Variants in PRKG1 observed in about 807,000 individuals in gnomAD.
PRKG1 encodes the protein protein kinase cGMP-dependent 1, also known as cGMP-dependent protein kinase 1.
In PRKG1, 35 loss-of-function variants were observed where a neutral mutation model predicts 88.1. The ratio of observed to expected loss-of-function variants is 0.40; its 90% confidence interval spans 0.30 to 0.53. PRKG1 has a LOEUF of 0.53. Ranked by LOEUF, PRKG1 falls within the 20% of genes least tolerant of loss-of-function variation. The pLI, the probability that PRKG1 is intolerant of heterozygous loss-of-function variation, is 0.59. For missense variants in PRKG1, 540 were observed against 839.8 expected (o/e 0.64, Z 4.41); for synonymous variants, 303 against 292.5 (o/e 1.04, Z -0.37).
intron 3 of PRKG1, among the ~76,000 whole-genome samples, chr10:51,742,567 G>A (rs1203657291): frequency 1.3e-5 from 2 of 152,118 alleles, no homozygotes; most frequent in African/African-American, 4.8e-5. Flanking sequence ...TCAAGTTGCC[G>A]GAACTGGTTG....
intron 5 of PRKG1, among the ~76,000 whole-genome samples, chr10:52,031,429 G>GT (rs1280687046): frequency 3.3e-5 from 5 of 152,020 alleles, no homozygotes; most frequent in Admixed American, 2.0e-4. Context: ...TAATAATGAG[G>GT]TTTTTACTAA....
chr10:52,140,431 T>C (rs1373529387), intron 8 of PRKG1, among the ~76,000 whole-genome samples: 1 of 152,108 alleles, frequency 6.6e-6, no homozygotes, highest in Non-Finnish European at 1.5e-5. Flanking sequence ...TTCACTCTTC[T>C]GTACACATCT....
chr10:51,717,966 T>A (rs1282875838), intron 3 of PRKG1, among the ~76,000 whole-genome samples: 1 of 152,204 alleles, frequency 6.6e-6, no homozygotes, highest in Non-Finnish European at 1.5e-5. Context: ...AAATCATCTT[T>A]CTGTCTCAGG....
At chr10:51,678,810 A>G (rs969599081) in intron 3 of PRKG1, among the ~76,000 whole-genome samples, 10 of 152,206 alleles carry the variant, frequency 6.6e-5, no homozygotes, top group African/African-American at 2.4e-4. Context: ...TGTCTGGTAG[A>G]GTCAAGTCTG....
intron 3 of PRKG1, among the ~76,000 whole-genome samples, chr10:51,802,057 G>C (rs557566311): frequency 6.6e-6 from 1 of 152,122 alleles, no homozygotes; most frequent in African/African-American, 2.4e-5. Flanking sequence ...AAGATCAAAG[G>C]TGAATGAAGA....
chr10:50,991,332 GCC>G lies in PRKG1; in HGVS notation c.-46_-45del. On this transcript the variant is annotated 5_prime_UTR_variant, in exon 1 of 18. Transcript: ENST00000401604. This position sits in a 1 kb window ranked among gnomAD's most constrained non-coding sequence, Gnocchi z 4.5. The stretch of plus-strand genomic sequence containing the variant: ...CCCAGCCGCCGCCGCCGCCGCCGCC[GCC>G]GCCGCCGCCCGAGAAAAAGTTTCGC... The G allele has an allele frequency of 6.7e-7, 1 of 1,495,018 alleles. No individual in the cohort carries two copies. Among genetic ancestry groups the G allele is most frequent in the Non-Finnish European group, 8.9e-7 (1 of 1,124,728 alleles). The allele number at this position is 1,495,018 out of a possible 1,614,324, so 92.6% of individuals were successfully genotyped here. A position where few individuals can be genotyped will look rare whatever the true frequency, so the allele number is the denominator to read the frequency against.
intron 2 of PRKG1, among the ~76,000 whole-genome samples, chr10:51,255,675 G>A (rs1839539081): frequency 6.6e-6 from 1 of 152,056 alleles, no homozygotes; most frequent in African/African-American, 2.4e-5. Context: ...GTTTTTTCGG[G>A]AGGAAGTAAC....
chr10:51,523,635 C>A (rs1176667533), intron 3 of PRKG1, among the ~76,000 whole-genome samples: 2 of 152,142 alleles, frequency 1.3e-5, no homozygotes, highest in East Asian at 1.9e-4. Context: ...CCAACAGAGG[C>A]CCCTAGAGGC....
chr10:52,158,223 T>C (rs1838179821), intron 8 of PRKG1, among the ~76,000 whole-genome samples: 1 of 151,698 alleles, frequency 6.6e-6, no homozygotes, highest in African/African-American at 2.4e-5. Context: ...TTGTTAAAAC[T>C]CATAAATAAT....
Position 52,156,460 on chromosome 10 carries a change from T to G in PRKG1, c.1002-5429T>G, listed in dbSNP as rs1036719444. On this transcript the variant is annotated intron_variant, in intron 8 of 17. Coordinates refer to ENST00000373980, the MANE Select transcript of PRKG1 (RefSeq NM_006258.4). Reference sequence around the variant, plus strand: ...AGTAGCTTGAATTGTCCCTTATAGATAGTAGGTATTGTATATGTACATATG... The same window carrying G: ...AGTAGCTTGAATTGTCCCTTATAGAGAGTAGGTATTGTATATGTACATATG... Among the ~76,000 whole-genome samples, 4 of 151,832 alleles carry G rather than the reference T, an allele frequency of 2.6e-5. No individual in the cohort carries two copies. In the South Asian group the frequency reaches 6.2e-4, roughly 24 times the overall value.
chr10:51,862,501 C>T (rs2132838495), intron 4 of PRKG1, among the ~76,000 whole-genome samples: 1 of 152,216 alleles, frequency 6.6e-6, no homozygotes, highest in South Asian at 2.1e-4. Flanking sequence ...AAGTGGGTAG[C>T]CCTCTGTGTG....
intron 2 of PRKG1, among the ~76,000 whole-genome samples, chr10:51,303,514 T>C (rs113189995): frequency 0.027 from 4,051 of 151,824 alleles, 80 homozygotes; most frequent in Non-Finnish European, 0.039. Flanking sequence ...CTTTTACTCT[T>C]TCAACTCAAT....
chr10:51,848,594 A>T (rs1407023123), intron 4 of PRKG1, among the ~76,000 whole-genome samples: 2 of 151,918 alleles, frequency 1.3e-5, no homozygotes. Context: ...ACAGAAGATC[A>T]TCAGGGAGTA....
intron 2 of PRKG1, among the ~76,000 whole-genome samples, chr10:51,235,991 G>A (rs1345655712): frequency 6.6e-6 from 1 of 152,180 alleles, no homozygotes; most frequent in Non-Finnish European, 1.5e-5. Context: ...ACAGATTGCT[G>A]GTCCCGCCCT....
chr10:51,246,705 T>C (rs1839301863), intron 2 of PRKG1, among the ~76,000 whole-genome samples: 2 of 151,930 alleles, frequency 1.3e-5, no homozygotes, highest in African/African-American at 2.4e-5. Context: ...AATGAAACAG[T>C]AGTAGAAAGA....
At chr10:52,103,779 A>G (rs11000791) in intron 7 of PRKG1, among the ~76,000 whole-genome samples, 7,449 of 151,952 alleles carry the variant, frequency 0.049, 512 homozygotes, top group East Asian at 0.37. Flanking sequence ...ATTAAGGAAG[A>G]CTAAATAAGC....
At position 51,250,563 on chromosome 10, in the gene PRKG1, G is replaced by A. The variant is rs573372514; in HGVS notation, c.478+97233G>A. Among the ~76,000 whole-genome samples the A allele has an allele frequency of 2.4e-3, 368 of 151,890 alleles. 2 individuals are homozygous for A. The highest frequency in any genetic ancestry group is 8.7e-3 in the African/African-American group (360 of 41,504). The stretch of plus-strand genomic sequence containing the variant: ...TCCCAGCTTACTACTGAAGCAAGGA[G>A]GTTCACTGGAATTCACTTTTCCAAA... On this transcript the variant is annotated intron_variant, in intron 2 of 17. Coordinates refer to ENST00000373980, the MANE Select transcript of PRKG1 (RefSeq NM_006258.4).
intron 9 of PRKG1, among the ~76,000 whole-genome samples, chr10:52,196,933 G>A (rs1015805977): frequency 3.9e-5 from 6 of 152,254 alleles, no homozygotes; most frequent in African/African-American, 1.4e-4. Context: ...ATTTAGTGTA[G>A]CAGTATCTCT....
intron 3 of PRKG1, among the ~76,000 whole-genome samples, chr10:51,765,510 T>C (rs573439649): frequency 6.6e-6 from 1 of 152,214 alleles, no homozygotes; most frequent in African/African-American, 2.4e-5. Flanking sequence ...ACAGTCTCTC[T>C]GCATTAACTT....
Sources: allele counts gnomAD v4.1 joint callset (sites outside exome capture counted in the v4.1 genomes callset), GRCh38; gene constraint gnomAD v4.1.1; non-coding constraint Gnocchi (gnomAD v3.1); transcripts MANE v1.5; gene names NCBI Gene and HGNC (gene_info 2026-07-23, HGNC 2026-07-21).